The following SH3GL3 variants were observed in gnomAD, a reference collection of about 807,000 sequenced individuals.
SH3GL3 encodes the protein endophilin-A3.
SH3GL3 carries 33 observed loss-of-function variants against 47.7 expected under a neutral mutation model. The ratio of observed to expected loss-of-function variants is 0.69; its 90% confidence interval spans 0.52 to 0.92. The LOEUF (loss-of-function observed/expected upper bound fraction) is 0.92, where lower values mean the gene tolerates loss of function less well. SH3GL3 is among the 40% of genes least tolerant of loss of function. SH3GL3 has a pLI of 0.00. For synonymous variants in SH3GL3, 155 were observed against 148.8 expected, an observed-to-expected ratio of 1.04 and a Z score of -0.30; for missense variants, 363 against 417.8, an observed-to-expected ratio of 0.87 and a Z score of 1.14.
chr15:83,577,720 T>C (rs995781009), intron 6 of SH3GL3, among the ~76,000 whole-genome samples: 1 of 151,990 alleles, frequency 6.6e-6, no homozygotes, highest in African/African-American at 2.4e-5. Flanking sequence ...TCTTGAGGAG[T>C]CCTGTTTATC....
intron 8 of SH3GL3, among the ~76,000 whole-genome samples, chr15:83,597,455 C>T (rs1215743451): frequency 1.3e-5 from 2 of 152,102 alleles, no homozygotes; most frequent in Admixed American, 1.3e-4. Flanking sequence ...AGGAAGTGGA[C>T]ATCTTTGAGG....
intron 1 of SH3GL3, among the ~76,000 whole-genome samples, chr15:83,527,827 T>C (rs1444371425): frequency 6.6e-6 from 1 of 152,168 alleles, no homozygotes; most frequent in African/African-American, 2.4e-5. Flanking sequence ...TTGCAGGTCT[T>C]CTGTAGTGGT....
Position 83,542,239 on chromosome 15 carries a change from T to C in SH3GL3, c.46-17014T>C, listed in dbSNP as rs983032536. ...ATTGAAAAGACTGTCCTTTCCCCAATATATTGGTTCTTGGCACCTTTGTTG... is the reference window on the plus strand; with the variant it reads ...ATTGAAAAGACTGTCCTTTCCCCAACATATTGGTTCTTGGCACCTTTGTTG... On this transcript the variant is annotated intron_variant, in intron 1 of 8. Coordinates refer to ENST00000427482, the MANE Select transcript of SH3GL3 (RefSeq NM_003027.5). Among the ~76,000 whole-genome samples, 5 of 152,180 alleles carry C rather than the reference T, an allele frequency of 3.3e-5. No homozygotes were observed. The East Asian group carries it at 9.6e-4, about 29-fold the overall frequency.
chr15:83,528,874 T>G (rs2043539532), intron 1 of SH3GL3, among the ~76,000 whole-genome samples: 1 of 152,234 alleles, frequency 6.6e-6, no homozygotes, highest in Non-Finnish European at 1.5e-5. Context: ...TTCCTTGCTC[T>G]TTCATGTTTC....
chr15:83,501,899 G>T (rs1317074877), intron 1 of SH3GL3, among the ~76,000 whole-genome samples: 2 of 151,402 alleles, frequency 1.3e-5, no homozygotes, highest in Non-Finnish European at 2.9e-5. Context: ...TCAAAAAAAA[G>T]AAAAGAAAAA....
chr15:83,547,152 G>A (rs1449611441), intron 1 of SH3GL3, among the ~76,000 whole-genome samples: 1 of 152,198 alleles, frequency 6.6e-6, no homozygotes, highest in Non-Finnish European at 1.5e-5. Flanking sequence ...TTGTGGCCTA[G>A]ACTGCCTTTC....
intron 1 of SH3GL3, among the ~76,000 whole-genome samples, chr15:83,520,796 T>C (rs944854280): frequency 4.6e-5 from 7 of 152,190 alleles, no homozygotes; most frequent in Admixed American, 3.3e-4. Context: ...TTTTAGATGC[T>C]CTTACCTCTC....
intron 1 of SH3GL3, among the ~76,000 whole-genome samples, chr15:83,486,430 T>A (rs566298654): frequency 6.6e-6 from 1 of 152,198 alleles, no homozygotes; most frequent in African/African-American, 2.4e-5. Flanking sequence ...TGGGAATCAC[T>A]AATTATCCTC....
intron 8 of SH3GL3, chr15:83,611,719 C>T (rs1018721480): frequency 2.6e-5 from 4 of 152,232 alleles, no homozygotes; most frequent in South Asian, 2.1e-4. Context: ...TCTTTTCTTA[C>T]GAGACGTTTT....
chr15:83,525,351 C>CGTGT (rs3078536), intron 1 of SH3GL3, among the ~76,000 whole-genome samples: 35,825 of 147,708 alleles, frequency 0.24, 4,587 homozygotes, highest in South Asian at 0.45. Flanking sequence ...ATTCTTTGTG[C>CGTGT]GTGTGTGTGT....
At chr15:83,477,329 G>A (rs1395987430) in intron 1 of SH3GL3, among the ~76,000 whole-genome samples, 1 of 151,906 alleles carries the variant, frequency 6.6e-6, no homozygotes, top group Non-Finnish European at 1.5e-5. Context: ...ACTTCATCTT[G>A]CCTTCTCCTT....
At chr15:83,546,290 G>T (rs2044392823) in intron 1 of SH3GL3, among the ~76,000 whole-genome samples, 1 of 151,868 alleles carries the variant, frequency 6.6e-6, no homozygotes, top group Admixed American at 6.6e-5. Context: ...AGCAGAAGGA[G>T]TCTCTGCCCA....
intron 1 of SH3GL3, among the ~76,000 whole-genome samples, chr15:83,483,526 C>G (rs948712455): frequency 6.6e-6 from 1 of 152,210 alleles, no homozygotes; most frequent in African/African-American, 2.4e-5. Flanking sequence ...ATGAGGACGG[C>G]TTCCTGTGTG....
intron 1 of SH3GL3, among the ~76,000 whole-genome samples, chr15:83,515,859 A>C (rs1392683033): frequency 6.6e-6 from 1 of 152,230 alleles, no homozygotes; most frequent in East Asian, 1.9e-4. Flanking sequence ...ACACTCGTGA[A>C]GTTATGGAAC....
chr15:83,533,300 T>C (rs1414396897), intron 1 of SH3GL3, among the ~76,000 whole-genome samples: 1 of 152,092 alleles, frequency 6.6e-6, no homozygotes, highest in Non-Finnish European at 1.5e-5. Context: ...GTGGGAGAGA[T>C]TGAAGATGCA....
chr15:83,619,521 T>A (rs1254824676), downstream of SH3GL3, among the ~76,000 whole-genome samples: 2 of 152,186 alleles, frequency 1.3e-5, no homozygotes, highest in African/African-American at 4.8e-5. Flanking sequence ...GGCACACATT[T>A]ACCTATGTAA....
intron 6 of SH3GL3, 73 bp from the exon 7 acceptor site, chr15:83,586,910 T>C: frequency 1.4e-6 from 1 of 726,616 alleles, no homozygotes; most frequent in Non-Finnish European, 2.3e-6. Context: ...AGGTCTTTGC[T>C]GCTGGTCTCC....
intron 6 of SH3GL3, among the ~76,000 whole-genome samples, chr15:83,585,260 C>A (rs1370844444): frequency 6.6e-6 from 1 of 152,186 alleles, no homozygotes; most frequent in East Asian, 1.9e-4. Flanking sequence ...CCAAAGTCAG[C>A]CACCCAATGA....
chr15:83,571,884 C>G (rs1439018613), intron 4 of SH3GL3, among the ~76,000 whole-genome samples: 3 of 152,152 alleles, frequency 2.0e-5, no homozygotes, highest in Non-Finnish European at 4.4e-5. Flanking sequence ...AGTAATCTGG[C>G]AAATTACTGC....
Sources: allele counts gnomAD v4.1 joint callset (sites outside exome capture counted in the v4.1 genomes callset), GRCh38; gene constraint gnomAD v4.1.1; transcripts MANE v1.5; gene names NCBI Gene and HGNC (gene_info 2026-07-23, HGNC 2026-07-21).